Variants in ASIC2 observed in about 807,000 individuals in gnomAD.
The protein encoded by ASIC2 is acid sensing ion channel subunit 2.
A neutral mutation model predicts 57.3 loss-of-function variants in ASIC2; 25 were observed. That is an observed-to-expected ratio of 0.44 (90% CI 0.32 to 0.61). ASIC2 has a LOEUF of 0.61. Among genes scored for constraint, ASIC2 ranks in the 20% least tolerant of loss-of-function variants. ASIC2 has a pLI of 0.06. For synonymous variants in ASIC2, 319 were observed against 307.5 expected, an observed-to-expected ratio of 1.04 and a Z score of -0.39; for missense variants, 641 against 738.1, an observed-to-expected ratio of 0.87 and a Z score of 1.52.
intron 1 of ASIC2, among the ~76,000 whole-genome samples, chr17:33,824,817 G>T (rs754693877): frequency 6.6e-5 from 10 of 152,118 alleles, no homozygotes; most frequent in Non-Finnish European, 1.2e-4. Flanking sequence ...TTCGTCTTTT[G>T]CCATGATTGT....
chr17:33,393,900 T>A lies in ASIC2; in HGVS notation c.556-281833A>T, dbSNP rs552993648. 3.3e-5 allele frequency among the ~76,000 whole-genome samples: 5 copies of A among 152,276 alleles called. No homozygotes were observed. In the South Asian group the frequency reaches 1.0e-3, roughly 32 times the overall value. On this transcript the variant is annotated intron_variant, in intron 1 of 9. Transcript: ENST00000359872. ...AGGGTCTGGGACAGGGGACCATGCTTCTCAATTTAAACTCCAACACTTCTA... is the reference window on the plus strand; with the variant it reads ...AGGGTCTGGGACAGGGGACCATGCTACTCAATTTAAACTCCAACACTTCTA...
intron 1 of ASIC2, among the ~76,000 whole-genome samples, chr17:33,158,567 G>T (rs1905075371): frequency 6.6e-6 from 1 of 152,230 alleles, no homozygotes; most frequent in African/African-American, 2.4e-5. Flanking sequence ...TGTCCTTTTA[G>T]GAGAGTGATT....
chr17:33,486,347 TGA>T (rs1327423262), intron 1 of ASIC2, among the ~76,000 whole-genome samples: 15 of 152,192 alleles, frequency 9.9e-5, no homozygotes, highest in Admixed American at 9.8e-4. Flanking sequence ...ACAGCTGTTG[TGA>T]GAGAGTTAGC....
intron 2 of ASIC2, among the ~76,000 whole-genome samples, chr17:33,097,266 T>C (rs2092185609): frequency 6.6e-6 from 1 of 152,248 alleles, no homozygotes; most frequent in Admixed American, 6.5e-5. Context: ...TTGGCACATG[T>C]ACGGTAAGCT....
At chr17:33,092,242 C>T (rs2092160561) in intron 2 of ASIC2, among the ~76,000 whole-genome samples, 1 of 152,252 alleles carries the variant, frequency 6.6e-6, no homozygotes, top group African/African-American at 2.4e-5. Flanking sequence ...GCATTTCTTT[C>T]TATTTCTTAC....
At chr17:33,259,545 G>T (rs2142142623) in intron 1 of ASIC2, among the ~76,000 whole-genome samples, 1 of 152,002 alleles carries the variant, frequency 6.6e-6, no homozygotes, top group Admixed American at 6.5e-5. Context: ...CCTTTACTGA[G>T]CAGTAAATTA....
intron 1 of ASIC2, among the ~76,000 whole-genome samples, chr17:34,016,409 G>C (rs535594668): frequency 8.1e-6 from 1 of 123,054 alleles, no homozygotes; most frequent in African/African-American, 3.4e-5. Context: ...GGACGAAAGA[G>C]CGAGACTCCG....
chr17:33,439,801 C>T (rs1911761133), intron 1 of ASIC2, among the ~76,000 whole-genome samples: 1 of 152,162 alleles, frequency 6.6e-6, no homozygotes, highest in Admixed American at 6.6e-5. Flanking sequence ...TGTTACAAGA[C>T]CTTGGCTGGC....
intron 1 of ASIC2, among the ~76,000 whole-genome samples, chr17:33,997,518 T>C (rs1041993917): frequency 1.3e-5 from 2 of 152,064 alleles, no homozygotes; most frequent in African/African-American, 4.8e-5. Context: ...GGGCTTCTCA[T>C]ATATGGTGTT....
chr17:33,607,818 G>C (rs1002400549), intron 1 of ASIC2, among the ~76,000 whole-genome samples: 1 of 152,150 alleles, frequency 6.6e-6, no homozygotes, highest in Non-Finnish European at 1.5e-5. Flanking sequence ...TCTGGGCACC[G>C]CATTCTTAGA....
At chr17:33,697,342 G>T (rs1353238059) in intron 1 of ASIC2, among the ~76,000 whole-genome samples, 1 of 152,206 alleles carries the variant, frequency 6.6e-6, no homozygotes, top group Non-Finnish European at 1.5e-5. Flanking sequence ...ACTTTGAGTA[G>T]GCTAAGGAGG....
Position 33,992,010 on chromosome 17 carries a change from G to A in ASIC2, c.555+163968C>T, listed in dbSNP as rs73276701. On this transcript the variant is annotated intron_variant, in intron 1 of 9. Coordinates refer to the ASIC2 transcript ENST00000359872. Reference sequence around the variant, plus strand: ...GGCCCAGTAGCAGAGTAGTAACACTGCCCTGGGAGGCAGGGTGCCAGGCTT... The same window carrying A: ...GGCCCAGTAGCAGAGTAGTAACACTACCCTGGGAGGCAGGGTGCCAGGCTT... Among the ~76,000 whole-genome samples the A allele has an allele frequency of 3.6e-3, 543 of 152,266 alleles. 3 individuals carry two copies. Among genetic ancestry groups the A allele is most frequent in the African/African-American group, 0.012 (518 of 41,542 alleles).
intron 1 of ASIC2, among the ~76,000 whole-genome samples, chr17:33,652,115 G>T (rs2142039761): frequency 6.6e-6 from 1 of 152,332 alleles, no homozygotes; most frequent in South Asian, 2.1e-4. Flanking sequence ...CTCCCAGCAA[G>T]AATGGAAAAT....
At chr17:33,649,741 A>AT (rs1472666899) in intron 1 of ASIC2, among the ~76,000 whole-genome samples, 1 of 152,226 alleles carries the variant, frequency 6.6e-6, no homozygotes, top group Non-Finnish European at 1.5e-5. Flanking sequence ...TGTCCAACAG[A>AT]TTTTTGACAG....
chr17:34,126,648 A>AT lies in ASIC2; in HGVS notation c.555+29329_555+29330insA, dbSNP rs1373380814. On this transcript the variant is annotated intron_variant, in intron 1 of 9. Coordinates refer to the ASIC2 transcript ENST00000359872. ...CTACCAACTCTTGGTCAGCAGTACC[A>AT]CCGGCCTGCTGCTTAGAGCACAGAT... 3.9e-5 allele frequency among the ~76,000 whole-genome samples: 6 copies of AT among 152,248 alleles called. No individual in the cohort carries two copies. The East Asian group carries it at 1.2e-3, about 29-fold the overall frequency.
intron 1 of ASIC2, among the ~76,000 whole-genome samples, chr17:33,261,002 C>A (rs1189586680): frequency 6.6e-6 from 1 of 152,218 alleles, no homozygotes; most frequent in African/African-American, 2.4e-5. Context: ...CCTTATTGCC[C>A]TAATCCAGCT....
At chr17:33,620,697 T>C in intron 1 of ASIC2, among the ~76,000 whole-genome samples, 1 of 152,226 alleles carries the variant, frequency 6.6e-6, no homozygotes, top group East Asian at 1.9e-4. Flanking sequence ...CCTTCTTGTT[T>C]CTTATGAGGT....
chr17:33,622,764 T>C (rs1216581033), intron 1 of ASIC2, among the ~76,000 whole-genome samples: 2 of 152,234 alleles, frequency 1.3e-5, no homozygotes, highest in Admixed American at 1.3e-4. Context: ...AAATGTCTGC[T>C]TTCTTTCTTC....
intron 1 of ASIC2, among the ~76,000 whole-genome samples, chr17:33,530,731 C>T (rs984445287): frequency 6.6e-6 from 1 of 152,158 alleles, no homozygotes; most frequent in Non-Finnish European, 1.5e-5. Flanking sequence ...AGAGGTAGGC[C>T]AGCTTTGCCA....
Sources: allele counts gnomAD v4.1 joint callset (sites outside exome capture counted in the v4.1 genomes callset), GRCh38; gene constraint gnomAD v4.1.1; transcripts MANE v1.5; gene names NCBI Gene and HGNC (gene_info 2026-07-23, HGNC 2026-07-21).